Variants in ASPSCR1 observed in about 807,000 individuals in gnomAD.
ASPSCR1 encodes the protein tether containing UBX domain for GLUT4.
A neutral mutation model predicts 68.9 loss-of-function variants in ASPSCR1; 55 were observed. That is an observed-to-expected ratio of 0.80 (90% CI 0.64 to 1.00). ASPSCR1 has a LOEUF of 1.00. Ranked by LOEUF, ASPSCR1 falls within the 50% of genes least tolerant of loss-of-function variation. ASPSCR1 has a pLI of 0.00. For missense variants in ASPSCR1, 765 were observed against 762.2 expected (o/e 1.00, Z -0.04); for synonymous variants, 352 against 332.6 (o/e 1.06, Z -0.63).
rs2042819557 is a variant in ASPSCR1, at chr17:82,009,036, G to T, written c.934-1G>T. On this transcript the variant is annotated splice_acceptor_variant, in intron 7 of 15. Coordinates refer to ENST00000306739, the MANE Select transcript of ASPSCR1 (RefSeq NM_024083.4). LOFTEE classifies it high-confidence loss of function. The stretch of plus-strand genomic sequence containing the variant: ...CCGTCAGCCGCGCCCTCTGCCTCCA[G>T]CCCGTGGACCGGGAGCCCGTGGACC... 6.5e-7 allele frequency: 1 copy of T among 1,532,022 alleles called. No homozygotes were observed. Among genetic ancestry groups the T allele is most frequent in the Non-Finnish European group, 8.8e-7 (1 of 1,138,582 alleles). The allele number at this position is 1,532,022 out of a possible 1,614,324, so 94.9% of individuals were successfully genotyped here. A position where few individuals can be genotyped will look rare whatever the true frequency, so the allele number is the denominator to read the frequency against.
At chr17:82,009,987 G>A in intron 9 of ASPSCR1, 1 of 283,756 alleles carries the variant, frequency 3.5e-6, no homozygotes, top group Non-Finnish European at 7.1e-6. Flanking sequence ...TCAGCTCACT[G>A]CAAGCTCCGC....
At chr17:81,994,136 A>G (rs1213003670) in intron 4 of ASPSCR1, among the ~76,000 whole-genome samples, 1 of 152,204 alleles carries the variant, frequency 6.6e-6, no homozygotes, top group Non-Finnish European at 1.5e-5. Flanking sequence ...CCGGGCTGCC[A>G]TGCACATCAG....
At chr17:82,008,780 C>G in intron 7 of ASPSCR1, 1 of 411,626 alleles carries the variant, frequency 2.4e-6, no homozygotes, top group Non-Finnish European at 4.3e-6. Context: ...AGCAGGGGCT[C>G]AGCATCAGGT....
intron 7 of ASPSCR1, among the ~76,000 whole-genome samples, chr17:82,001,659 C>T (rs1196602000): frequency 6.6e-6 from 1 of 152,148 alleles, no homozygotes; most frequent in African/African-American, 2.4e-5. Context: ...CTGGGCGAGT[C>T]GGCTGCTGCA....
intron 12 of ASPSCR1, chr17:82,015,386 CAG>C (rs1159044034): frequency 6.3e-7 from 1 of 1,581,372 alleles, no homozygotes; most frequent in Non-Finnish European, 8.6e-7. Context: ...GCTCCCTGCA[CAG>C]AGGCGCAGAC....
intron 4 of ASPSCR1, among the ~76,000 whole-genome samples, chr17:81,992,482 G>A (rs2144032095): frequency 6.6e-6 from 1 of 152,362 alleles, no homozygotes. Context: ...CAAGCTGGCG[G>A]TCAGTGCCGG....
intron 10 of ASPSCR1, among the ~76,000 whole-genome samples, chr17:82,011,151 G>T (rs971461459): frequency 1.3e-5 from 2 of 152,202 alleles, no homozygotes; most frequent in African/African-American, 4.8e-5. Context: ...GGGCAGAGGG[G>T]CACCCAGAGG....
chr17:82,010,546 A>C (rs904878545), intron 9 of ASPSCR1, among the ~76,000 whole-genome samples: 5 of 150,482 alleles, frequency 3.3e-5, no homozygotes, highest in South Asian at 2.1e-4. Flanking sequence ...AAAAAAAAAA[A>C]AAAAAACCAG....
In ASPSCR1 at chr17:81,983,731, C is replaced by T. The variant is rs904506010; in HGVS notation, c.273+63C>T. On this transcript the variant is annotated intron_variant, in intron 3 of 15. Transcript: ENST00000306739. This position sits in a 1 kb window ranked among gnomAD's most constrained non-coding sequence, Gnocchi z 4.4. ...ACAGGATCGTTCAGCTGGCCAGGGA[C>T]GGGGGACGGGACAGTGGGGGGTGCT... 8.3e-6 allele frequency: 11 copies of T among 1,321,934 alleles called. No homozygotes were observed. Among genetic ancestry groups the T allele is most frequent in the South Asian group, 3.8e-5 (3 of 79,516 alleles). 81.9% of individuals were successfully genotyped at this position (1,321,934 alleles called of 1,614,324 possible).
At chr17:81,997,999 G>T (rs1291819783) in intron 7 of ASPSCR1, among the ~76,000 whole-genome samples, 1 of 150,724 alleles carries the variant, frequency 6.6e-6, no homozygotes, top group Non-Finnish European at 1.5e-5. Flanking sequence ...GCTAATTTTT[G>T]TATTTTTAGT....
chr17:82,001,648 A>G (rs2042535227), intron 7 of ASPSCR1, among the ~76,000 whole-genome samples: 1 of 152,134 alleles, frequency 6.6e-6, no homozygotes, highest in Admixed American at 6.5e-5. Flanking sequence ...GGGGCTCCGT[A>G]CTGGGCGAGT....
At chr17:82,015,492 G>GGCAGT (rs2043092221) in intron 12 of ASPSCR1, 2 of 1,185,152 alleles carry the variant, frequency 1.7e-6, no homozygotes, top group Admixed American at 2.6e-5. Flanking sequence ...CGTCCCGTGG[G>GGCAGT]GCAGTGCTGG....
At chr17:81,984,402 C>T (rs1412325812) in intron 3 of ASPSCR1, among the ~76,000 whole-genome samples, 1 of 151,974 alleles carries the variant, frequency 6.6e-6, no homozygotes, top group African/African-American at 2.4e-5. Flanking sequence ...CATAATGAAA[C>T]CCCGTCTCTA....
In ASPSCR1 at chr17:82,017,125, G is replaced by C. The variant is rs2043163405; in HGVS notation, c.1648+12G>C. 1 of 1,582,464 alleles carries C rather than the reference G, an allele frequency of 6.3e-7. No individual in the cohort carries two copies. Among genetic ancestry groups the C allele is most frequent in the Non-Finnish European group, 8.6e-7 (1 of 1,167,000 alleles). ...GCTGAAGCTGCCGGGTACTGCGGCT[G>C]GGTGGAAGGTGGGGTGCTGTGGCCG... On this transcript the variant is annotated intron_variant, in intron 15 of 15. Transcript: ENST00000306739.
At chr17:81,995,672 G>A (rs765492765) in intron 5 of ASPSCR1, 9 of 531,598 alleles carry the variant, frequency 1.7e-5, no homozygotes, top group Non-Finnish European at 2.7e-5. Flanking sequence ...CCGGGCAGTG[G>A]GTCCTGGCAC....
At chr17:82,016,628 G>T in intron 13 of ASPSCR1, 101 bp downstream of exon 13, 1 of 1,490,496 alleles carries the variant, frequency 6.7e-7, no homozygotes, top group South Asian at 1.2e-5. Context: ...GGCCTCCTTT[G>T]GGTCTGAGAG....
rs761122088 is a variant in ASPSCR1 at position 81,985,500 on chromosome 17, C to T, written c.274-7C>T. On this transcript the variant is annotated splice_polypyrimidine_tract_variant and splice_region_variant and intron_variant, in intron 3 of 15. Coordinates refer to ENST00000306739, the MANE Select transcript of ASPSCR1 (RefSeq NM_024083.4). ...TAAGGAAGTTTCTCATGTCTTATAC[C>T]CTCCAGGTTCGCATCGCTTTGCAGC... 8.7e-6 allele frequency: 14 copies of T among 1,613,500 alleles called. No individual in the cohort carries two copies. Among genetic ancestry groups the T allele is most frequent in the South Asian group, 5.5e-5 (5 of 91,068 alleles).
chr17:82,011,325 G>A (rs907077964), intron 10 of ASPSCR1, among the ~76,000 whole-genome samples: 7 of 152,148 alleles, frequency 4.6e-5, no homozygotes, highest in Admixed American at 2.6e-4. Flanking sequence ...GGCAGCGGGT[G>A]GCAGTGGGAG....
At chr17:81,989,560 C>T (rs982390163) in intron 4 of ASPSCR1, among the ~76,000 whole-genome samples, 4 of 152,176 alleles carry the variant, frequency 2.6e-5, no homozygotes, top group African/African-American at 7.2e-5. Flanking sequence ...CGCTGTGCTT[C>T]GAAGGGGCGT....
Sources: allele counts gnomAD v4.1 joint callset (sites outside exome capture counted in the v4.1 genomes callset), GRCh38; gene constraint gnomAD v4.1.1; non-coding constraint Gnocchi (gnomAD v3.1); transcripts MANE v1.5; gene names NCBI Gene and HGNC (gene_info 2026-07-23, HGNC 2026-07-21).